Variants in OXR1 observed in about 807,000 individuals in gnomAD.
OXR1 encodes the protein oxidation resistance protein 1.
Under a neutral mutation model 104.6 loss-of-function variants are expected in OXR1, and 41 were observed. The observed-to-expected ratio is 0.39, with a 90% CI of 0.31 to 0.51. The LOEUF (loss-of-function observed/expected upper bound fraction) is 0.51, where lower values mean the gene tolerates loss of function less well. Among genes scored for constraint, OXR1 ranks in the 20% least tolerant of loss-of-function variants. The pLI, the probability that OXR1 is intolerant of heterozygous loss-of-function variation, is 0.77. For missense variants in OXR1, 955 were observed against 1,031.9 expected (o/e 0.93, Z 1.02); for synonymous variants, 348 against 348.4 (o/e 1.00, Z 0.01).
At position 106,326,204 on chromosome 8, in the gene OXR1, C is replaced by T. The variant is rs141157477; in HGVS notation, c.-138-33272C>T. 1.2e-4 allele frequency among the ~76,000 whole-genome samples: 18 copies of T among 152,298 alleles called. 1 individual carries two copies. In the East Asian group the frequency reaches 2.1e-3, roughly 18 times the overall value. ...TACCAGTCTCCCTTCACCTCTCACTCGTCCAAGAAGCATTCCCAAGGTAAA... is the reference window on the plus strand; with the variant it reads ...TACCAGTCTCCCTTCACCTCTCACTTGTCCAAGAAGCATTCCCAAGGTAAA... On this transcript the variant is annotated intron_variant, in intron 1 of 16. Transcript: ENST00000517566.
At chr8:106,585,231 T>C (rs1043671196) in intron 3 of OXR1, among the ~76,000 whole-genome samples, 1 of 152,122 alleles carries the variant, frequency 6.6e-6, no homozygotes, top group African/African-American at 2.4e-5. Flanking sequence ...ATGGCAATTC[T>C]AGAATAGGGC....
chr8:106,351,810 G>A (rs1342272075), intron 1 of OXR1, among the ~76,000 whole-genome samples: 1 of 152,170 alleles, frequency 6.6e-6, no homozygotes, highest in East Asian at 1.9e-4. Context: ...AACTCACTAT[G>A]TGGCAGGCAA....
intron 2 of OXR1, among the ~76,000 whole-genome samples, chr8:106,474,923 A>G (rs1299349223): frequency 6.6e-6 from 1 of 151,922 alleles, no homozygotes; most frequent in Non-Finnish European, 1.5e-5. Context: ...CTGGAACCCA[A>G]ACTGTCTGAG....
At chr8:106,710,919 T>A in intron 10 of OXR1, 129 bp downstream of exon 10, 1 of 550,988 alleles carries the variant, frequency 1.8e-6, no homozygotes. Flanking sequence ...AATAAGTCTA[T>A]TTGAAACCAT....
intron 1 of OXR1, among the ~76,000 whole-genome samples, chr8:106,303,886 G>T (rs796322186): frequency 2.0e-5 from 3 of 152,190 alleles, no homozygotes; most frequent in African/African-American, 7.2e-5. Flanking sequence ...TAAGACAAAA[G>T]ACATCATTAT....
chr8:106,483,038 A>G (rs973855477), intron 2 of OXR1, among the ~76,000 whole-genome samples: 5 of 152,042 alleles, frequency 3.3e-5, no homozygotes, highest in East Asian at 3.9e-4. Flanking sequence ...ATCTGACTCC[A>G]TAGGAAAATA....
intron 2 of OXR1, among the ~76,000 whole-genome samples, chr8:106,437,511 T>G (rs1425316081): frequency 6.6e-6 from 1 of 152,114 alleles, no homozygotes; most frequent in Non-Finnish European, 1.5e-5. Flanking sequence ...ATCTTTGACC[T>G]CTGATTTAGA....
chr8:106,437,165 C>T (rs7828143), intron 2 of OXR1, among the ~76,000 whole-genome samples: 34,214 of 151,766 alleles, frequency 0.23, 5,302 homozygotes, highest in African/African-American at 0.42. Context: ...TGTGAAGCTC[C>T]TGTACTTCCG....
intron 3 of OXR1, among the ~76,000 whole-genome samples, chr8:106,593,755 G>T (rs903773779): frequency 7.9e-5 from 12 of 152,150 alleles, no homozygotes; most frequent in Admixed American, 7.9e-4. Flanking sequence ...CAGCCTGGGC[G>T]ACAGAGCGAG....
chr8:106,420,519 A>G (rs1818862524), intron 2 of OXR1, among the ~76,000 whole-genome samples: 1 of 151,946 alleles, frequency 6.6e-6, no homozygotes. Flanking sequence ...TGAAATCACA[A>G]ACTCCCAAAT....
chr8:106,745,765 A>C, intron 15 of OXR1, 24 bp from the exon 16 acceptor site: 12 of 1,150,664 alleles, frequency 1.0e-5, no homozygotes, highest in Non-Finnish European at 1.3e-5. Flanking sequence ...CTATATATTT[A>C]AAGCTTTTTT....
At chr8:106,368,615 T>C (rs1816583408) in intron 2 of OXR1, among the ~76,000 whole-genome samples, 1 of 150,968 alleles carries the variant, frequency 6.6e-6, no homozygotes. Flanking sequence ...GTGTTCTCAA[T>C]GTTCAACTCT....
chr8:106,511,940 CTTG>C (rs1248728090), intron 2 of OXR1, among the ~76,000 whole-genome samples: 1 of 152,138 alleles, frequency 6.6e-6, no homozygotes, highest in Non-Finnish European at 1.5e-5. Flanking sequence ...ACCTCATAAG[CTTG>C]TTGTGATCAG....
intron 2 of OXR1, among the ~76,000 whole-genome samples, chr8:106,481,734 A>G (rs537159401): frequency 2.0e-5 from 3 of 152,208 alleles, no homozygotes; most frequent in East Asian, 3.9e-4. Flanking sequence ...CTTTGAAAAC[A>G]ATGCTAAAAC....
chr8:106,671,860 C>G (rs1039965186), intron 3 of OXR1, among the ~76,000 whole-genome samples: 22 of 150,588 alleles, frequency 1.5e-4, no homozygotes, highest in African/African-American at 5.4e-4. Context: ...GGAGATATAC[C>G]TAATTGTAAA....
chr8:106,492,650 T>A (rs749906073), intron 2 of OXR1, among the ~76,000 whole-genome samples: 1 of 152,174 alleles, frequency 6.6e-6, no homozygotes, highest in African/African-American at 2.4e-5. Context: ...ACATTAACAT[T>A]GTCTGCTTAC....
At chr8:106,389,262 C>T (rs572169159) in intron 2 of OXR1, among the ~76,000 whole-genome samples, 5 of 152,108 alleles carry the variant, frequency 3.3e-5, no homozygotes, top group African/African-American at 1.2e-4. Context: ...GAATTGCATA[C>T]ATTTTGAAAA....
intron 1 of OXR1, among the ~76,000 whole-genome samples, chr8:106,350,945 G>C (rs986254379): frequency 3.3e-5 from 5 of 152,220 alleles, no homozygotes; most frequent in African/African-American, 4.8e-5. Flanking sequence ...AAACAGATTT[G>C]AAAAATTGGA....
In OXR1 at chr8:106,697,274, C is replaced by T. The variant is rs146252824; in HGVS notation, c.675+4397C>T. On this transcript the variant is annotated intron_variant, in intron 7 of 16. Transcript: ENST00000517566. ...ACGGGGGAGAGGCTGCCAACAGGCA[C>T]CTCAGAGGTGATAGGACAGGCTGAA... Among the ~76,000 whole-genome samples, 1,462 of 152,246 alleles carry T rather than the reference C, an allele frequency of 9.6e-3. 27 individuals carry two copies. The highest frequency in any genetic ancestry group is 0.033 in the African/African-American group (1,358 of 41,524).
Sources: allele counts gnomAD v4.1 joint callset (sites outside exome capture counted in the v4.1 genomes callset), GRCh38; gene constraint gnomAD v4.1.1; transcripts MANE v1.5; gene names NCBI Gene and HGNC (gene_info 2026-07-23, HGNC 2026-07-21).